MBOAT7: variants seen among roughly 807,000 people sequenced by gnomAD.
The protein encoded by MBOAT7 is membrane bound acylglycerophosphatidylinositol O-acyltransferase MBOAT7, also known as membrane-bound acylglycerophosphatidylinositol O-acyltransferase MBOAT7.
MBOAT7 carries 40 observed loss-of-function variants against 47.4 expected under a neutral mutation model. That is an observed-to-expected ratio of 0.84 (90% CI 0.66 to 1.10). The LOEUF is 1.10. Among genes scored for constraint, MBOAT7 ranks in the 50% least tolerant of loss-of-function variants. MBOAT7 has a pLI of 0.00. For synonymous variants in MBOAT7, 361 were observed against 292.0 expected (o/e 1.24, Z -2.41); for missense variants, 680 against 655.6 (o/e 1.04, Z -0.41).
rs1298644481 is a variant in MBOAT7, at chr19:54,178,807, T to C, written c.989A>G (p.Gln330Arg). 2 of 1,613,402 alleles carry C rather than the reference T, an allele frequency of 1.2e-6. No individual in the cohort carries two copies. The highest frequency in any genetic ancestry group is 1.7e-6 in the Non-Finnish European group (2 of 1,180,014). ...WNMTVQWWLA[Q>R]YIYKSAPARS... ...GGCAGGTGCGCTCTTGTAGATATAC[T>C]GCGCCAGCCACCACTGCACCGTCAT... The change falls in exon 7 of 8, where the codon CAG (glutamine) becomes CGG (arginine). Residue 330 changes from glutamine (Q) to arginine (R), a missense_variant. Physicochemically the swap from Gln to Arg is conservative, Grantham distance 43. Transcript: ENST00000245615.
Position 54,178,824 on chromosome 19 carries a change from CACCGTCATGTTCCAGT to C in MBOAT7, c.956_971del (p.Tyr319CysfsTer28). The C allele has an allele frequency of 2.5e-6, 4 of 1,613,652 alleles. No individual in the cohort carries two copies. Among genetic ancestry groups the C allele is most frequent in the Non-Finnish European group, 3.4e-6 (4 of 1,180,034 alleles). On this transcript the variant is annotated frameshift_variant, in exon 7 of 8. Coordinates refer to ENST00000245615, the MANE Select transcript of MBOAT7 (RefSeq NM_024298.5). LOFTEE classifies it high-confidence loss of function. Reference sequence around the variant, plus strand: ...AGATATACTGCGCCAGCCACCACTGCACCGTCATGTTCCAGTACCGCATGCCATCGCGCACCCGCAC... The same window carrying C: ...AGATATACTGCGCCAGCCACCACTGCACCGCATGCCATCGCGCACCCGCAC...
At chr19:54,177,964 G>A (rs895415547) in intron 7 of MBOAT7, among the ~76,000 whole-genome samples, 12 of 128,646 alleles carry the variant, frequency 9.3e-5, no homozygotes, top group African/African-American at 3.3e-4. Context: ...AGGCTGGAGT[G>A]CAGTGGCGAG....
chr19:54,176,756 G>C (rs140596667), intron 7 of MBOAT7, among the ~76,000 whole-genome samples: 1 of 152,132 alleles, frequency 6.6e-6, no homozygotes, highest in Non-Finnish European at 1.5e-5. Flanking sequence ...AGAGCTTTAA[G>C]CGTCATCTAT....
At position 54,179,050 on chromosome 19, in the gene MBOAT7, G is replaced by A. The variant is rs370242450; in HGVS notation, c.855-109C>T. 10 of 1,431,406 alleles carry A rather than the reference G, an allele frequency of 7.0e-6. No homozygotes were observed. The East Asian group carries it at 1.7e-4, about 24-fold the overall frequency. The allele number at this position is 1,431,406 out of a possible 1,614,324, so 88.7% of individuals were successfully genotyped here. On this transcript the variant is annotated intron_variant, in intron 6 of 7. Transcript: ENST00000245615. ...GATGCTAAGGAAGGGATCCTGGCCA[G>A]GCAATGGCCCTCTGGCTGTCAGACT... is the stretch of plus-strand genomic sequence containing the variant.
Position 54,181,035 on chromosome 19 carries a change from C to T in MBOAT7, c.592G>A (p.Ala198Thr), listed in dbSNP as rs2076253578. 6.5e-7 allele frequency: 1 copy of T among 1,550,356 alleles called. No homozygotes were observed. Among genetic ancestry groups the T allele is most frequent in the East Asian group, 2.4e-5 (1 of 41,456 alleles). The change falls in exon 6 of 8, where the codon GCC becomes ACC. Residue 198 changes from alanine to threonine, a missense_variant. Coordinates refer to ENST00000245615, the MANE Select transcript of MBOAT7 (RefSeq NM_024298.5). ...LRPLLRRAWP[A>T]PLFGLLFLLS... ...AGGAACAGCAGGCCGAAGAGCGGGG[C>T]CGGCCAGGCGCGGCGCAGCAGGGGC... is the stretch of plus-strand genomic sequence containing the variant.
At position 54,173,942 on chromosome 19, in the gene MBOAT7, C is replaced by G. The variant is rs560947151; in HGVS notation, c.*102G>C. On this transcript the variant is annotated 3_prime_UTR_variant, in exon 8 of 8. Coordinates refer to ENST00000245615, the MANE Select transcript of MBOAT7 (RefSeq NM_024298.5). Reference sequence around the variant, plus strand: ...ATTTAGCTGGGGAAGAGGAAATTCTCTCCAGGACCCTCTCCAAGGTAAGGA... The same window carrying G: ...ATTTAGCTGGGGAAGAGGAAATTCTGTCCAGGACCCTCTCCAAGGTAAGGA... The G allele has an allele frequency of 1.4e-6, 2 of 1,379,754 alleles. No individual in the cohort carries two copies. Among genetic ancestry groups the G allele is most frequent in the East Asian group, 5.2e-5 (2 of 38,432 alleles). The allele number at this position is 1,379,754 out of a possible 1,614,324, so 85.5% of individuals were successfully genotyped here.
intron 7 of MBOAT7, among the ~76,000 whole-genome samples, chr19:54,176,387 T>C (rs1277970029): frequency 2.0e-5 from 3 of 152,080 alleles, no homozygotes; most frequent in Non-Finnish European, 4.4e-5. Context: ...CCCAGCACTT[T>C]GGGAGGCTAA....
chr19:54,186,135 TC>T (rs2076422036), intron 4 of MBOAT7, among the ~76,000 whole-genome samples: 1 of 152,170 alleles, frequency 6.6e-6, no homozygotes, highest in African/African-American at 2.4e-5. Flanking sequence ...TGCCTCAGCC[TC>T]CCGAGTAGCT....
chr19:54,177,900 G>GTTTTTTTTTTTTTTTTTT lies in MBOAT7; in HGVS notation c.1031+847_1031+864dup, dbSNP rs761565984. Among the ~76,000 whole-genome samples the GTTTTTTTTTTTTTTTTTT allele has an allele frequency of 9.2e-5, 7 of 76,000 alleles. 1 individual carries two copies. The highest frequency in any genetic ancestry group is 3.9e-4 in the East Asian group (1 of 2,580). The allele number at this position is 76,000 out of a possible 152,430, so 49.9% of individuals were successfully genotyped here. On this transcript the variant is annotated intron_variant, in intron 7 of 7. Transcript: ENST00000245615. ...ATGCCTGGCTATGAGTTCTACTTCT[G>GTTTTTTTTTTTTTTTTTT]TTTTTTTTTTTTTTTTTTTTTTTTT...
intron 7 of MBOAT7, among the ~76,000 whole-genome samples, chr19:54,175,198 T>A (rs1236508676): frequency 6.6e-6 from 1 of 152,114 alleles, no homozygotes; most frequent in Non-Finnish European, 1.5e-5. Flanking sequence ...CAGGATGGTC[T>A]CGATCTCCTG....
chr19:54,184,613 A>T (rs961602074), intron 4 of MBOAT7, among the ~76,000 whole-genome samples: 1 of 152,008 alleles, frequency 6.6e-6, no homozygotes, highest in African/African-American at 2.4e-5. Flanking sequence ...TTTAAAAAAA[A>T]TAATTTTGGC....
chr19:54,188,585 C>T (rs1261569625), intron 1 of MBOAT7, 74 bp from the exon 2 acceptor site: 2 of 1,430,792 alleles, frequency 1.4e-6, no homozygotes, highest in Non-Finnish European at 1.9e-6. Flanking sequence ...TTCGAGGATC[C>T]AGGAACCCAG....
At chr19:54,174,975 GTTTTTTTTT>G (rs34483717) in intron 7 of MBOAT7, among the ~76,000 whole-genome samples, 2 of 127,906 alleles carry the variant, frequency 1.6e-5, no homozygotes, top group Non-Finnish European at 3.3e-5. Flanking sequence ...CAGCCCAGTG[GTTTTTTTTT>G]TTTTTTTTTG....
rs373348958 is a variant in MBOAT7 at position 54,174,032 on chromosome 19, C to T, written c.*12G>A. On this transcript the variant is annotated 3_prime_UTR_variant, in exon 8 of 8. Transcript: ENST00000245615. ...TCCCGGGACCAGCTGGCAGAGGGAG[C>T]GTCGTGACAGCTTACTCCTCCCGGA... 1.1e-4 allele frequency: 177 copies of T among 1,559,780 alleles called. No homozygotes were observed. The highest frequency in any genetic ancestry group is 1.4e-4 in the Non-Finnish European group (161 of 1,158,432).
chr19:54,188,024 AG>A lies in MBOAT7; in HGVS notation c.206+192del, dbSNP rs1235791037. ...GAGCGAAACTCCATCTCAGAAAGAA[AG>A]AAAGAAAGAAAGAAAGAAAGAAAGA... On this transcript the variant is annotated intron_variant, in intron 3 of 7. Coordinates refer to ENST00000245615, the MANE Select transcript of MBOAT7 (RefSeq NM_024298.5). 1.7e-4 allele frequency among the ~76,000 whole-genome samples: 13 copies of A among 77,334 alleles called. 1 individual carries two copies. The highest frequency in any genetic ancestry group is 7.3e-4 in the African/African-American group (13 of 17,804). 50.7% of individuals were successfully genotyped at this position (77,334 alleles called of 152,430 possible).
intron 4 of MBOAT7, 57 bp from the exon 5 acceptor site, chr19:54,183,737 C>A (rs2076352411): frequency 6.8e-7 from 1 of 1,469,772 alleles, no homozygotes. Context: ...TTCCCCACAC[C>A]CATCTCCCTT....
At chr19:54,184,558 G>A (rs979170806) in intron 4 of MBOAT7, among the ~76,000 whole-genome samples, 1 of 152,016 alleles carries the variant, frequency 6.6e-6, no homozygotes, top group East Asian at 1.9e-4. Flanking sequence ...TGGGCTGGCT[G>A]TCACCCTTGA....
In MBOAT7 at chr19:54,173,836, T is replaced by G; in HGVS notation, c.*208A>C. On this transcript the variant is annotated 3_prime_UTR_variant, in exon 8 of 8. Coordinates refer to ENST00000245615, the MANE Select transcript of MBOAT7 (RefSeq NM_024298.5). ...CAGTGACTCTTGTCTGGACAATACTTTGATTTTGTAGGAGTGGAGGTGGCC... is the reference window on the plus strand; with the variant it reads ...CAGTGACTCTTGTCTGGACAATACTGTGATTTTGTAGGAGTGGAGGTGGCC... The G allele has an allele frequency of 1.1e-5, 3 of 278,946 alleles. No homozygotes were observed. Among genetic ancestry groups the G allele is most frequent in the Non-Finnish European group, 2.1e-5 (3 of 142,896 alleles). The allele number at this position is 278,946 out of a possible 1,614,324, so 17.3% of individuals were successfully genotyped here.
intron 1 of MBOAT7, among the ~76,000 whole-genome samples, chr19:54,189,031 C>CCCCCAG: frequency 1.6e-5 from 2 of 123,526 alleles, no homozygotes; most frequent in Non-Finnish European, 3.7e-5. Context: ...ATATCCGGAC[C>CCCCCAG]CCCCAGCCCT....
Sources: allele counts gnomAD v4.1 joint callset (sites outside exome capture counted in the v4.1 genomes callset), GRCh38; gene constraint gnomAD v4.1.1; transcripts MANE v1.5; gene names NCBI Gene and HGNC (gene_info 2026-07-23, HGNC 2026-07-21).